Variants in ZDHHC17 observed in about 807,000 individuals in gnomAD.
ZDHHC17 encodes palmitoyltransferase ZDHHC17.
ZDHHC17 carries 40 observed loss-of-function variants against 90.3 expected under a neutral mutation model. The ratio of observed to expected loss-of-function variants is 0.44; its 90% CI spans 0.34 to 0.58. The LOEUF is 0.58. Ranked by LOEUF, ZDHHC17 falls within the 20% of genes least tolerant of loss-of-function variation. The pLI is 0.01. For missense variants in ZDHHC17, 614 were observed against 780.8 expected (o/e 0.79, Z 2.55); for synonymous variants, 235 against 252.4 (o/e 0.93, Z 0.65).
chr12:76,784,675 A>T (rs1482407406), intron 1 of ZDHHC17, among the ~76,000 whole-genome samples: 2 of 152,222 alleles, frequency 1.3e-5, no homozygotes, highest in Non-Finnish European at 2.9e-5. Flanking sequence ...CCAACTTTCC[A>T]CGAGATGGGT....
chr12:76,843,986 A>T (rs1004514716), intron 12 of ZDHHC17: 1 of 152,122 alleles, frequency 6.6e-6, no homozygotes, highest in Non-Finnish European at 1.5e-5. Flanking sequence ...TCTTTTATAT[A>T]TTCCGGCATT....
At position 76,788,688 on chromosome 12, in the gene ZDHHC17, A is replaced by ATTTTTTTTTTTTT. The variant is rs763269507; in HGVS notation, c.94-8732_94-8720dup. Among the ~76,000 whole-genome samples, 279 of 98,648 alleles carry ATTTTTTTTTTTTT rather than the reference A, an allele frequency of 2.8e-3. 20 individuals carry two copies. Among genetic ancestry groups the ATTTTTTTTTTTTT allele is most frequent in the Middle Eastern group, 8.6e-3 (1 of 116 alleles). 64.7% of individuals were successfully genotyped at this position (98,648 alleles called of 152,430 possible). On this transcript the variant is annotated intron_variant, in intron 1 of 16. Transcript: ENST00000426126. The stretch of plus-strand genomic sequence containing the variant: ...AAAATATATTTAAGTTGGAATCGCA[A>ATTTTTTTTTTTTT]TTTTTTTTTTTTTTTTTTTTTTTTT...
intron 1 of ZDHHC17, 134 bp downstream of exon 1, chr12:76,764,463 C>T: frequency 1.2e-6 from 1 of 830,428 alleles, no homozygotes; most frequent in Non-Finnish European, 1.9e-6. Context: ...GGAGGCGAAT[C>T]CAGGCCTGAG....
intron 8 of ZDHHC17, 109 bp downstream of exon 8, chr12:76,822,640 T>G (rs546240645): frequency 1.1e-5 from 9 of 818,226 alleles, no homozygotes; most frequent in Non-Finnish European, 1.8e-5. Flanking sequence ...CTGCAATCCC[T>G]GCCTCTCGGT....
chr12:76,845,826 CT>C, intron 13 of ZDHHC17, 24 bp downstream of exon 13: 1 of 1,298,542 alleles, frequency 7.7e-7, no homozygotes, highest in African/African-American at 1.5e-5. Flanking sequence ...GTAATTTCTT[CT>C]GTATCATTCA....
chr12:76,784,144 T>C (rs1175170750), intron 1 of ZDHHC17, among the ~76,000 whole-genome samples: 4 of 152,194 alleles, frequency 2.6e-5, no homozygotes, highest in African/African-American at 7.2e-5. Context: ...ACACAACATA[T>C]ACAGATTTCA....
intron 1 of ZDHHC17, among the ~76,000 whole-genome samples, chr12:76,782,659 C>T (rs192477375): frequency 5.3e-5 from 8 of 152,164 alleles, no homozygotes; most frequent in East Asian, 3.9e-4. Flanking sequence ...GAGAATGTCT[C>T]GTTTGTACCA....
chr12:76,812,578 A>C (rs1312747523), intron 5 of ZDHHC17, among the ~76,000 whole-genome samples: 3 of 151,980 alleles, frequency 2.0e-5, no homozygotes, highest in African/African-American at 7.2e-5. Context: ...TCTTAATGTT[A>C]ACTATGTTCT....
intron 7 of ZDHHC17, among the ~76,000 whole-genome samples, chr12:76,818,239 G>T (rs2137773469): frequency 6.6e-6 from 1 of 152,264 alleles, no homozygotes; most frequent in South Asian, 2.1e-4. Context: ...GTTTTAAAAT[G>T]CACTTTATAT....
chr12:76,791,189 A>G (rs1439487381), intron 1 of ZDHHC17, among the ~76,000 whole-genome samples: 1 of 152,200 alleles, frequency 6.6e-6, no homozygotes, highest in Non-Finnish European at 1.5e-5. Flanking sequence ...AATGTTAACT[A>G]ATTACATTTT....
chr12:76,849,353 G>GTTTGCT, intron 15 of ZDHHC17, 23 bp from the exon 16 acceptor site: 1 of 940,474 alleles, frequency 1.1e-6, no homozygotes, highest in Non-Finnish European at 1.5e-6. Flanking sequence ...AAGAATAATG[G>GTTTGCT]TTTGCTTTTT....
intron 1 of ZDHHC17, among the ~76,000 whole-genome samples, chr12:76,792,244 C>T (rs916187371): frequency 3.3e-5 from 5 of 152,146 alleles, no homozygotes; most frequent in African/African-American, 1.2e-4. Flanking sequence ...TGACAAAAAA[C>T]AGTCCTATCA....
intron 2 of ZDHHC17, among the ~76,000 whole-genome samples, chr12:76,803,638 G>C (rs1407470961): frequency 6.6e-6 from 1 of 152,112 alleles, no homozygotes; most frequent in Admixed American, 6.6e-5. Context: ...CTTCACCCTG[G>C]TATTCCATAA....
chr12:76,775,955 C>G (rs1952554148), intron 1 of ZDHHC17, among the ~76,000 whole-genome samples: 1 of 152,012 alleles, frequency 6.6e-6, no homozygotes, highest in Non-Finnish European at 1.5e-5. Context: ...TTTGCTTTCT[C>G]TTTGACCACT....
rs1172445768 is a variant in ZDHHC17 at position 76,829,479 on chromosome 12, AAAAAAG to A, written c.1141+992_1141+997del. On this transcript the variant is annotated intron_variant, in intron 10 of 16. Coordinates refer to ENST00000426126, the MANE Select transcript of ZDHHC17 (RefSeq NM_015336.4). ...TCAAAAAAAAAAAAAAAAAAAAAAA[AAAAAAG>A]AACTACCATTTGACTCAGCCATCTC... Among the ~76,000 whole-genome samples, 738 of 142,842 alleles carry A rather than the reference AAAAAAG, an allele frequency of 5.2e-3. 2 individuals carry two copies. Among genetic ancestry groups the A allele is most frequent in the Non-Finnish European group, 7.7e-3 (491 of 63,552 alleles). 93.7% of individuals were successfully genotyped at this position (142,842 alleles called of 152,430 possible). A position where few individuals can be genotyped will look rare whatever the true frequency, so the allele number is the denominator to read the frequency against.
At chr12:76,825,402 A>G (rs1245317481) in intron 8 of ZDHHC17, among the ~76,000 whole-genome samples, 1 of 152,168 alleles carries the variant, frequency 6.6e-6, no homozygotes, top group Non-Finnish European at 1.5e-5. Context: ...AATATAAGAG[A>G]AAATAGATTT....
intron 1 of ZDHHC17, among the ~76,000 whole-genome samples, chr12:76,790,373 G>A (rs1010904714): frequency 5.9e-5 from 9 of 151,998 alleles, no homozygotes; most frequent in African/African-American, 1.7e-4. Flanking sequence ...TTAGTGGCAC[G>A]CATCTGTAGT....
At position 76,764,220 on chromosome 12, in the gene ZDHHC17, A is replaced by T; in HGVS notation, c.-17A>T. The T allele has an allele frequency of 6.5e-7, 1 of 1,546,736 alleles. No individual in the cohort carries two copies. ...GCCTCGCCCGAGCCCCGGGAGGGTG[A>T]AACGCTTTCTCCCAGCATGCAGCGG... On this transcript the variant is annotated 5_prime_UTR_variant, in exon 1 of 17. Coordinates refer to ENST00000426126, the MANE Select transcript of ZDHHC17 (RefSeq NM_015336.4).
In ZDHHC17 at chr12:76,791,386, A is replaced by T. The variant is rs936218748; in HGVS notation, c.94-6048A>T. 5.3e-5 allele frequency among the ~76,000 whole-genome samples: 8 copies of T among 151,796 alleles called. No individual in the cohort carries two copies. The East Asian group carries it at 5.8e-4, about 11-fold the overall frequency. ...ACCTCAGGTTTTCCTTTGTTGCCAA[A>T]TTTTTTTTGCCTATTTCTATGGCTG... is the stretch of plus-strand genomic sequence containing the variant. On this transcript the variant is annotated intron_variant, in intron 1 of 16. Coordinates refer to ENST00000426126, the MANE Select transcript of ZDHHC17 (RefSeq NM_015336.4).
Sources: allele counts gnomAD v4.1 joint callset (sites outside exome capture counted in the v4.1 genomes callset), GRCh38; gene constraint gnomAD v4.1.1; transcripts MANE v1.5; gene names NCBI Gene and HGNC (gene_info 2026-07-23, HGNC 2026-07-21).